WASHC5: variants seen among roughly 807,000 people sequenced by gnomAD.
WASHC5 encodes the protein WASH complex subunit 5, also known as WASH complex subunit strumpellin.
In WASHC5, 101 loss-of-function variants were observed where a neutral mutation model predicts 150.4. The ratio of observed to expected loss-of-function variants is 0.67; its 90% CI spans 0.57 to 0.79. The LOEUF (loss-of-function observed/expected upper bound fraction) is 0.79. Among genes scored for constraint, WASHC5 ranks in the 30% least tolerant of loss-of-function variants. The probability of loss-of-function intolerance (pLI) is 0.00; values close to 1 mark genes in which losing one functional copy is unlikely to be tolerated. For missense variants in WASHC5, 1,195 were observed against 1,396.3 expected (o/e 0.86, Z 2.30); for synonymous variants, 467 against 491.2 (o/e 0.95, Z 0.65).
At chr8:125,028,739 T>C (rs1198932197) in intron 27 of WASHC5, 32 bp from the exon 28 acceptor site, 2 of 1,434,174 alleles carry the variant, frequency 1.4e-6, no homozygotes, top group South Asian at 1.1e-5. Flanking sequence ...ATCAATTAAC[T>C]GCTTTGCACA....
intron 9 of WASHC5, among the ~76,000 whole-genome samples, chr8:125,069,076 C>T (rs181911452): frequency 6.6e-6 from 1 of 152,302 alleles, no homozygotes; most frequent in East Asian, 1.9e-4. Context: ...ATTGTGTCAG[C>T]GTTAAGAGGT....
At chr8:125,068,471 G>A (rs1038242658) in intron 9 of WASHC5, among the ~76,000 whole-genome samples, 1 of 152,194 alleles carries the variant, frequency 6.6e-6, no homozygotes, top group Non-Finnish European at 1.5e-5. Flanking sequence ...ATGCTCGGAA[G>A]CTTGTGCCTC....
At chr8:125,054,344 C>T (rs1367335174) in intron 17 of WASHC5, among the ~76,000 whole-genome samples, 1 of 152,122 alleles carries the variant, frequency 6.6e-6, no homozygotes, top group Non-Finnish European at 1.5e-5. Context: ...TGAGATAAAT[C>T]AAAAGCACAT....
At chr8:125,053,336 C>T (rs1816305187) in intron 17 of WASHC5, among the ~76,000 whole-genome samples, 1 of 152,088 alleles carries the variant, frequency 6.6e-6, no homozygotes, top group Non-Finnish European at 1.5e-5. Context: ...TGTAGTTGGT[C>T]AGCAGAGTAT....
At position 125,073,285 on chromosome 8, in the gene WASHC5, G is replaced by C; in HGVS notation, c.1018C>G (p.Gln340Glu). The change falls in exon 9 of 29, where the codon CAA (glutamine) becomes GAA (glutamate). Residue 340 changes from glutamine to glutamate, a missense_variant. Physicochemically the swap from Gln to Glu is conservative, Grantham distance 29. Coordinates refer to ENST00000318410, the MANE Select transcript of WASHC5 (RefSeq NM_014846.4). Reference sequence around the variant, plus strand: ...CCTTCTTTTAGAAATTGCTGCACTTGAGCATGCACTCTTTCACTGACAGTA... The same window carrying C: ...CCTTCTTTTAGAAATTGCTGCACTTCAGCATGCACTCTTTCACTGACAGTA... Reference protein sequence around the residue: ...YATVSERVHAQVQQFLKEGYL... With the variant: ...YATVSERVHAEVQQFLKEGYL... 2 of 1,614,002 alleles carry C rather than the reference G, an allele frequency of 1.2e-6. No homozygotes were observed. The highest frequency in any genetic ancestry group is 1.7e-6 in the Non-Finnish European group (2 of 1,179,910).
At chr8:125,049,795 T>C (rs1388967911) in intron 18 of WASHC5, among the ~76,000 whole-genome samples, 2 of 152,070 alleles carry the variant, frequency 1.3e-5, no homozygotes, top group African/African-American at 4.8e-5. Context: ...GAATCGAGAT[T>C]GTGCCACTGC....
intron 5 of WASHC5, among the ~76,000 whole-genome samples, chr8:125,079,463 T>A (rs1335807347): frequency 6.6e-6 from 1 of 152,108 alleles, no homozygotes; most frequent in African/African-American, 2.4e-5. Context: ...AGTGCTGGGA[T>A]TACAGGTGTG....
At chr8:125,051,273 T>C (rs1816230065) in intron 17 of WASHC5, among the ~76,000 whole-genome samples, 1 of 152,236 alleles carries the variant, frequency 6.6e-6, no homozygotes. Context: ...GTTTTGTTAT[T>C]CCTTTAAAAA....
Position 125,076,525 on chromosome 8 carries a change from A to G in WASHC5, c.712-25T>C, listed in dbSNP as rs74999306. 0.018 allele frequency: 29,014 copies of G among 1,612,724 alleles called. 316 individuals carry two copies. The highest frequency in any genetic ancestry group is 0.022 in the Non-Finnish European group (26,053 of 1,179,754). On this transcript the variant is annotated intron_variant, in intron 6 of 28. Transcript: ENST00000318410. ...CCTGCAATGTCAAGACGACACCCCG[A>G]GAAAGCTGTTGGCAACATTTGCACG...
At chr8:125,030,345 T>A (rs1815490807) in intron 27 of WASHC5, among the ~76,000 whole-genome samples, 1 of 152,192 alleles carries the variant, frequency 6.6e-6, no homozygotes, top group South Asian at 2.1e-4. Flanking sequence ...ACAATTTCAT[T>A]TTTGAGACTT....
rs1816135227 is a variant in WASHC5, at chr8:125,048,313, T to C, written c.2379+693A>G. ...TGCAGAGTGGCTCCTTGTTAACTACTTACTAAAATCAAACTTCTCAATTTT... is the reference window on the plus strand; with the variant it reads ...TGCAGAGTGGCTCCTTGTTAACTACCTACTAAAATCAAACTTCTCAATTTT... On this transcript the variant is annotated intron_variant, in intron 19 of 28. Coordinates refer to ENST00000318410, the MANE Select transcript of WASHC5 (RefSeq NM_014846.4). 2.0e-5 allele frequency among the ~76,000 whole-genome samples: 3 copies of C among 152,210 alleles called. No homozygotes were observed. The South Asian group carries it at 6.2e-4, about 31-fold the overall frequency.
Position 125,067,800 on chromosome 8 carries a change from C to A in WASHC5, c.1151-81G>T, listed in dbSNP as rs1005617945. The A allele has an allele frequency of 7.4e-6, 11 of 1,477,790 alleles. No homozygotes were observed. In the Admixed American group the frequency reaches 1.7e-4, roughly 23 times the overall value. The allele number at this position is 1,477,790 out of a possible 1,614,324, so 91.5% of individuals were successfully genotyped here. A position where few individuals can be genotyped will look rare whatever the true frequency, so the allele number is the denominator to read the frequency against. ...ATAAGATAAATTATTAAATATTTTC[C>A]TTCATTTTAACCATTTAAAAAGTAA... On this transcript the variant is annotated intron_variant, in intron 9 of 28. Coordinates refer to ENST00000318410, the MANE Select transcript of WASHC5 (RefSeq NM_014846.4).
Position 125,044,578 on chromosome 8 carries a change from G to A in WASHC5, c.2625C>T (p.Gly875=). The change falls in exon 21 of 29, where the codon GGC becomes GGT. Residue 875 remains glycine (G), a synonymous_variant. Transcript: ENST00000318410. ...QTTLGTFGLN[G]LDRLLCFMIV... ...TCATAAAGCACAGAAGCCTGTCTAAGCCATTTAGACCAAAGGTTCCCAAGG... is the reference window on the plus strand; with the variant it reads ...TCATAAAGCACAGAAGCCTGTCTAAACCATTTAGACCAAAGGTTCCCAAGG... 6.2e-7 allele frequency: 1 copy of A among 1,614,124 alleles called. No homozygotes were observed. Among genetic ancestry groups the A allele is most frequent in the East Asian group, 2.2e-5 (1 of 44,882 alleles).
In WASHC5 at chr8:125,059,492, A is replaced by G. The variant is rs765558177; in HGVS notation, c.1572T>C (p.Leu524=). ...GATGAAGAAACTTTCGAGTATCGGCAAGAAACTGACATACTTGCAGATTGG... is the reference window on the plus strand; with the variant it reads ...GATGAAGAAACTTTCGAGTATCGGCGAGAAACTGACATACTTGCAGATTGG... ...LESNLQVCQF[L]ADTRKFLHQM... is the part of the protein sequence containing the mutation. Residue 524 remains leucine, a synonymous_variant, in exon 13 of 29, where the codon CTT becomes CTC. Coordinates refer to ENST00000318410, the MANE Select transcript of WASHC5 (RefSeq NM_014846.4). 1 of 1,613,944 alleles carries G rather than the reference A, an allele frequency of 6.2e-7. No individual in the cohort carries two copies. The highest frequency in any genetic ancestry group is 8.5e-7 in the Non-Finnish European group (1 of 1,179,926).
intron 7 of WASHC5, among the ~76,000 whole-genome samples, chr8:125,075,727 A>C (rs528491423): frequency 4.7e-4 from 71 of 152,314 alleles, no homozygotes; most frequent in Non-Finnish European, 1.9e-4. Flanking sequence ...TATGTGATTC[A>C]ACAGCCGATA....
Position 125,024,272 on chromosome 8 carries a change from T to TA in WASHC5, c.*344dup. On this transcript the variant is annotated 3_prime_UTR_variant, in exon 29 of 29. Coordinates refer to ENST00000318410, the MANE Select transcript of WASHC5 (RefSeq NM_014846.4). Reference sequence around the variant, plus strand: ...TAAGCGAGACGACTTTGGGTACTAGTAATACTATTTTACTGAAAATCTGGA... The same window carrying TA: ...TAAGCGAGACGACTTTGGGTACTAGTAAATACTATTTTACTGAAAATCTGGA... 1 of 345,716 alleles carries TA rather than the reference T, an allele frequency of 2.9e-6. No individual in the cohort carries two copies. The highest frequency in any genetic ancestry group is 5.5e-6 in the Non-Finnish European group (1 of 182,896). 21.4% of individuals were successfully genotyped at this position (345,716 alleles called of 1,614,324 possible). A position where few individuals can be genotyped will look rare whatever the true frequency, so the allele number is the denominator to read the frequency against.
intron 5 of WASHC5, among the ~76,000 whole-genome samples, 186 bp from the exon 6 acceptor site, chr8:125,079,116 G>GTATATATATATATATATATATATATATA (rs57043871): frequency 3.1e-5 from 3 of 97,924 alleles, no homozygotes; most frequent in Non-Finnish European, 5.5e-5. Flanking sequence ...GTGTGTGTGT[G>GTATATATATATATATATATATATATATA]TATATATATA....
rs549975310 is a variant in WASHC5 at position 125,044,375 on chromosome 8, G to C, written c.2667+161C>G. ...TACTATGCTGGCCAAACAAATTCTA[G>C]TTTATTCCCAGCTCTGATCTACCCA... On this transcript the variant is annotated intron_variant, in intron 21 of 28. Transcript: ENST00000318410. 5.0e-6 allele frequency: 4 copies of C among 806,514 alleles called. No individual in the cohort carries two copies. In the African/African-American group the frequency reaches 6.8e-5, roughly 14 times the overall value. The allele number at this position is 806,514 out of a possible 1,614,324, so 50.0% of individuals were successfully genotyped here.
At chr8:125,029,032 T>C (rs1256055834) in intron 27 of WASHC5, among the ~76,000 whole-genome samples, 1 of 74,996 alleles carries the variant, frequency 1.3e-5, no homozygotes. Context: ...CCTGCACACT[T>C]TTTTTTTTTT....
Sources: allele counts gnomAD v4.1 joint callset (sites outside exome capture counted in the v4.1 genomes callset), GRCh38; gene constraint gnomAD v4.1.1; transcripts MANE v1.5; gene names NCBI Gene and HGNC (gene_info 2026-07-23, HGNC 2026-07-21).